Variants in PRPF8 observed in about 807,000 individuals in gnomAD.
The protein encoded by PRPF8 is pre-mRNA-processing-splicing factor 8.
Under a neutral mutation model 285.9 loss-of-function variants are expected in PRPF8, and 64 were observed. The ratio of observed to expected loss-of-function variants is 0.22; its 90% CI spans 0.18 to 0.28. PRPF8 has a LOEUF of 0.28. Ranked by LOEUF, PRPF8 falls within the 10% of genes least tolerant of loss-of-function variation. The pLI, the probability that PRPF8 is intolerant of heterozygous loss-of-function variation, is 1.00. For missense variants in PRPF8, 1,426 were observed against 3,026.7 expected, an observed-to-expected ratio of 0.47 and a Z score of 12.41; for synonymous variants, 1,325 against 1,118.2, an observed-to-expected ratio of 1.18 and a Z score of -3.69.
rs765694393 is a variant in PRPF8 at position 1,659,064 on chromosome 17, C to T, written c.5138+293G>A. The T allele has an allele frequency of 1.6e-5, 9 of 551,702 alleles. No homozygotes were observed. Among genetic ancestry groups the T allele is most frequent in the Middle Eastern group, 9.3e-4 (2 of 2,144 alleles). 34.2% of individuals were successfully genotyped at this position (551,702 alleles called of 1,614,324 possible). On this transcript the variant is annotated intron_variant, in intron 32 of 42. Coordinates refer to ENST00000304992, the MANE Select transcript of PRPF8 (RefSeq NM_006445.4). This position sits in a 1 kb window ranked among gnomAD's most constrained non-coding sequence, Gnocchi z 5.1. ...TCTTTGAGATGGAGTCTCACTCTGT[C>T]GCCCAGGCTGGAGTGCAGTGGCGCA...
intron 5 of PRPF8, 32 bp from the exon 6 acceptor site, chr17:1,681,722 A>T (rs1806795869): frequency 6.2e-7 from 1 of 1,611,632 alleles, no homozygotes; most frequent in Middle Eastern, 1.7e-4. Flanking sequence ...CACCTCAAGT[A>T]AGCAGCTAGA....
At chr17:1,678,199 C>T (rs1459050045) in intron 13 of PRPF8, among the ~76,000 whole-genome samples, 1 of 152,100 alleles carries the variant, frequency 6.6e-6, no homozygotes, top group African/African-American at 2.4e-5. Context: ...CCTGTAGTCC[C>T]AGCTACTTGG....
At chr17:1,677,801 A>C (rs1241466302) in intron 13 of PRPF8, 107 bp from the exon 14 acceptor site, 18 of 1,422,134 alleles carry the variant, frequency 1.3e-5, no homozygotes, top group Admixed American at 8.6e-5. Context: ...ATACAGAGGA[A>C]TGTAGGTATG....
chr17:1,657,332 C>T (rs1048576127), intron 34 of PRPF8, among the ~76,000 whole-genome samples: 1 of 152,090 alleles, frequency 6.6e-6, no homozygotes, highest in Non-Finnish European at 1.5e-5. Flanking sequence ...GAGATTTGGT[C>T]AAAGTGGATG....
intron 2 of PRPF8, 46 bp downstream of exon 2, chr17:1,684,426 C>A (rs1913118338): frequency 6.8e-6 from 11 of 1,605,914 alleles, no homozygotes; most frequent in Non-Finnish European, 9.4e-6. Context: ...CGCGCGCACA[C>A]CCGCCCCGCC....
chr17:1,650,830 G>A lies in PRPF8; in HGVS notation c.6980C>T (p.Ser2327Phe), dbSNP rs747987730. 6.2e-7 allele frequency: 1 copy of A among 1,614,148 alleles called. No individual in the cohort carries two copies. Among genetic ancestry groups the A allele is most frequent in the Non-Finnish European group, 8.5e-7 (1 of 1,180,032 alleles). ...FALLQEGEVY[S>F]ADREDLYA The stretch of plus-strand genomic sequence containing the variant: ...GGCATACAGGTCCTCCCGATCCGCA[G>A]AGTAAACCTCCCCCTCCTGCAGGAG... Residue 2327 changes from serine (S) to phenylalanine (F), a missense_variant, in exon 43 of 43, where the codon TCT (serine) becomes TTT (phenylalanine). Around this residue, in one of 34 missense-constraint regions of PRPF8, gnomAD observed 59 missense variants for 58.6 expected, o/e 1.01. Coordinates refer to ENST00000304992, the MANE Select transcript of PRPF8 (RefSeq NM_006445.4).
At position 1,676,141 on chromosome 17, in the gene PRPF8, C is replaced by T. The variant is rs1912591862; in HGVS notation, c.2552+66G>A. ...TGGGGCTACACCTTCTTTCTTTGGA[C>T]TCTGAGGATGACGCCATTCCCTGCT... On this transcript the variant is annotated intron_variant, in intron 17 of 42. Transcript: ENST00000304992. This position sits in a 1 kb window ranked among gnomAD's most constrained non-coding sequence, Gnocchi z 6.3. 15 of 1,612,148 alleles carry T rather than the reference C, an allele frequency of 9.3e-6. No homozygotes were observed. In the South Asian group the frequency reaches 1.4e-4, roughly 15 times the overall value.
intron 37 of PRPF8, chr17:1,654,700 T>A (rs1037675456): frequency 3.0e-5 from 5 of 167,642 alleles, no homozygotes; most frequent in Non-Finnish European, 6.6e-5. Flanking sequence ...GGCATCATCA[T>A]GGCTCACTGC....
chr17:1,653,365 C>T lies in PRPF8; in HGVS notation c.6369+177G>A, dbSNP rs992340259. On this transcript the variant is annotated intron_variant, in intron 39 of 42. Coordinates refer to ENST00000304992, the MANE Select transcript of PRPF8 (RefSeq NM_006445.4). This position sits in a 1 kb window ranked among gnomAD's most constrained non-coding sequence, Gnocchi z 4.9. ...AATTACTACCTTCTCTCAGCTGCCA[C>T]AGCTTTTGCTATCTCATGGGGCCAA... 6.5e-6 allele frequency: 5 copies of T among 773,980 alleles called. No individual in the cohort carries two copies. Among genetic ancestry groups the T allele is most frequent in the African/African-American group, 3.4e-5 (2 of 58,126 alleles). 47.9% of individuals were successfully genotyped at this position (773,980 alleles called of 1,614,324 possible).
intron 14 of PRPF8, 114 bp from the exon 15 acceptor site, chr17:1,677,286 A>AAG (rs750470546): frequency 1.2e-4 from 142 of 1,165,546 alleles, no homozygotes; most frequent in Non-Finnish European, 1.8e-4. Flanking sequence ...GGTATTAACA[A>AAG]AGCGTCCCTG....
rs771902569 is a variant in PRPF8, at chr17:1,675,586, C to T, written c.2872+34G>A. 54 of 1,611,514 alleles carry T rather than the reference C, an allele frequency of 3.4e-5. No individual in the cohort carries two copies. Among genetic ancestry groups the T allele is most frequent in the Non-Finnish European group, 4.3e-5 (51 of 1,177,848 alleles). ...TTGACGTAGAACTAAATTCCTGCCCCGTTCCTCACAGGGCGATCTCATGAA... is the reference window on the plus strand; with the variant it reads ...TTGACGTAGAACTAAATTCCTGCCCTGTTCCTCACAGGGCGATCTCATGAA... On this transcript the variant is annotated intron_variant, in intron 19 of 42. Transcript: ENST00000304992. This position sits in a 1 kb window ranked among gnomAD's most constrained non-coding sequence, Gnocchi z 6.0.
intron 24 of PRPF8, among the ~76,000 whole-genome samples, chr17:1,670,067 T>C (rs16950948): frequency 0.31 from 47,357 of 152,064 alleles, 8,857 homozygotes; most frequent in African/African-American, 0.53. Context: ...GTCTCACTCA[T>C]ACTTTTTAAA....
At position 1,673,403 on chromosome 17, in the gene PRPF8, T is replaced by C. The variant is rs558538478; in HGVS notation, c.3611A>G (p.Tyr1204Cys). 96 of 1,614,012 alleles carry C rather than the reference T, an allele frequency of 5.9e-5. No individual in the cohort carries two copies. The highest frequency in any genetic ancestry group is 7.8e-5 in the Non-Finnish European group (92 of 1,180,044). The change falls in exon 23 of 43, where the codon TAT becomes TGT. Residue 1204 changes from tyrosine to cysteine, a missense_variant. Tyr to Cys is a radical substitution (Grantham distance 194, BLOSUM62 -2). Transcript: ENST00000304992. This position sits in a 1 kb window ranked among gnomAD's most constrained non-coding sequence, Gnocchi z 5.5. Reference protein sequence around the residue: ...CRILPKCRTSYEEFTHKDGVW... With the variant: ...CRILPKCRTSCEEFTHKDGVW... ...CCCGTCCTTGTGGGTGAACTCCTCA[T>C]AGCTGGTGCGGCACTTAGGCAGGAT...
Position 1,655,341 on chromosome 17 carries a change from AC to A in PRPF8, c.5987+8del, listed in dbSNP as rs767091209. ...ACCTCCTGTCTGTGTCCCCACCAGC[AC>A]TGCTCACTTGTTTTTCTTGCCGTAG... On this transcript the variant is annotated splice_region_variant and intron_variant, in intron 37 of 42. Coordinates refer to ENST00000304992, the MANE Select transcript of PRPF8 (RefSeq NM_006445.4). The A allele has an allele frequency of 2.5e-6, 4 of 1,612,662 alleles. No homozygotes were observed. The African/African-American group carries it at 5.3e-5, about 22-fold the overall frequency.
rs757870744 is a variant in PRPF8, at chr17:1,673,599, T to C, written c.3447-32A>G. 3 of 1,613,278 alleles carry C rather than the reference T, an allele frequency of 1.9e-6. No homozygotes were observed. The highest frequency in any genetic ancestry group is 1.1e-5 in the South Asian group (1 of 91,006). On this transcript the variant is annotated intron_variant, in intron 22 of 42. Transcript: ENST00000304992. This position sits in a 1 kb window ranked among gnomAD's most constrained non-coding sequence, Gnocchi z 5.5. Reference sequence around the variant, plus strand: ...ACAGAGAACACATGGTCACAGCAGTTTCTTGGAAGGAACTTCCCTTCAAAG... The same window carrying C: ...ACAGAGAACACATGGTCACAGCAGTCTCTTGGAAGGAACTTCCCTTCAAAG...
At position 1,676,417 on chromosome 17, in the gene PRPF8, C is replaced by A; in HGVS notation, c.2389-47G>T. 4 of 1,613,992 alleles carry A rather than the reference C, an allele frequency of 2.5e-6. No individual in the cohort carries two copies. The highest frequency in any genetic ancestry group is 3.4e-6 in the Non-Finnish European group (4 of 1,179,988). The stretch of plus-strand genomic sequence containing the variant: ...AGCCTCCCGCTACAGCCCGATCCTG[C>A]CAGAACAAGGTTCAGTCACAACTCT... On this transcript the variant is annotated intron_variant, in intron 16 of 42. Transcript: ENST00000304992. The surrounding 1 kb of genome is among the most constrained non-coding windows in gnomAD (Gnocchi z 6.3).
Position 1,675,726 on chromosome 17 carries a change from C to T in PRPF8, c.2766G>A (p.Leu922=). Residue 922 remains leucine (L), a synonymous_variant, in exon 19 of 43, where the codon CTG becomes CTA. Transcript: ENST00000304992. The surrounding 1 kb of genome is among the most constrained non-coding windows in gnomAD (Gnocchi z 6.0). ...EPLEKITDAY[L]DQYLWYEADK... is the part of the protein sequence containing the mutation. Reference sequence around the variant, plus strand: ...CGGCTTCATACCACAGGTACTGGTCCAGGTAAGCATCAGTTATCTTCTCCA... The same window carrying T: ...CGGCTTCATACCACAGGTACTGGTCTAGGTAAGCATCAGTTATCTTCTCCA... 6.2e-7 allele frequency: 1 copy of T among 1,614,162 alleles called. No individual in the cohort carries two copies. The highest frequency in any genetic ancestry group is 8.5e-7 in the Non-Finnish European group (1 of 1,180,030).
chr17:1,662,955 T>C (rs1346787575), intron 24 of PRPF8, among the ~76,000 whole-genome samples: 1 of 152,130 alleles, frequency 6.6e-6, no homozygotes, highest in East Asian at 1.9e-4. Context: ...TTTTCTCATT[T>C]TGCAATTTCT....
intron 24 of PRPF8, among the ~76,000 whole-genome samples, chr17:1,668,946 A>C (rs1912154446): frequency 6.6e-6 from 1 of 152,172 alleles, no homozygotes; most frequent in South Asian, 2.1e-4. Flanking sequence ...CTGCAGCCCA[A>C]GAAAAGCTGA....
Sources: allele counts gnomAD v4.1 joint callset (sites outside exome capture counted in the v4.1 genomes callset), GRCh38; gene constraint gnomAD v4.1.1; regional missense constraint gnomAD v4.1.1; non-coding constraint Gnocchi (gnomAD v3.1); transcripts MANE v1.5; gene names NCBI Gene and HGNC (gene_info 2026-07-23, HGNC 2026-07-21).